Variants in MTMR10 observed in about 807,000 individuals in gnomAD.
The protein encoded by MTMR10 is myotubularin related protein 10, also known as myotubularin-related protein 10.
MTMR10 carries 56 observed loss-of-function variants against 88.1 expected under a neutral mutation model. That is an observed-to-expected ratio of 0.64 (90% CI 0.51 to 0.79). MTMR10 has a LOEUF of 0.79. MTMR10 is among the 30% of genes least tolerant of loss of function. The pLI, the probability that MTMR10 is intolerant of heterozygous loss-of-function variation, is 0.00. For synonymous variants in MTMR10, 380 were observed against 340.9 expected (o/e 1.11, Z -1.26); for missense variants, 883 against 924.7 (o/e 0.95, Z 0.58).
the MTMR10 span, chr15:30,925,776 G>C: frequency 1.5e-4 from 238 of 1,613,724 alleles, no homozygotes; most frequent in Admixed American, 7.8e-4. Flanking sequence ...ATGTTATTCT[G>C]CTGCTGTTTC....
At chr15:30,956,129 T>G (rs896213608) in intron 9 of MTMR10, 6 of 152,202 alleles carry the variant, frequency 3.9e-5, no homozygotes, top group Admixed American at 6.5e-5. Context: ...CTAGGTTTCC[T>G]CTATGCACCT....
In MTMR10 at chr15:30,941,534, A is replaced by T; in HGVS notation, c.2270T>A (p.Leu757Ter). The change falls in exon 16 of 16, where the codon TTA (leucine) becomes TAA (stop). Residue 757 changes from leucine (L) to a stop codon, truncating the protein, a stop_gained. Coordinates refer to ENST00000435680, the MANE Select transcript of MTMR10 (RefSeq NM_017762.3). LOFTEE classifies it high-confidence loss of function. ...LCRRSILGTPLSKFLSGAKIW... is the reference protein window; with the variant it reads ...LCRRSILGTP ...TTTGGCCCCACTTAAAAATTTGCTT[A>T]ATGGTGTTCCTAAAATGCTTCGTCT... 1 of 1,609,828 alleles carries T rather than the reference A, an allele frequency of 6.2e-7. No homozygotes were observed. Among genetic ancestry groups the T allele is most frequent in the Non-Finnish European group, 8.5e-7 (1 of 1,177,712 alleles).
At chr15:30,990,954 T>G in intron 1 of MTMR10, 117 bp from the exon 2 acceptor site, 1 of 822,064 alleles carries the variant, frequency 1.2e-6, no homozygotes, top group Admixed American at 2.8e-5. Context: ...GCCCCCCATT[T>G]AAATTCTTTC....
At chr15:30,927,792 G>A in the MTMR10 span, 1 of 985,824 alleles carries the variant, frequency 1.0e-6, no homozygotes, top group Non-Finnish European at 1.2e-6. Context: ...AGCTGGATGA[G>A]CTGGGGCTTG....
chr15:30,946,625 A>G, intron 14 of MTMR10: 1 of 659,480 alleles, frequency 1.5e-6, no homozygotes. Context: ...TGTTGGTTCG[A>G]GGTGGGTGAA....
chr15:30,976,960 A>C lies in MTMR10; in HGVS notation c.122-5T>G, dbSNP rs749454500. The C allele has an allele frequency of 3.1e-6, 5 of 1,610,084 alleles. No homozygotes were observed. The African/African-American group carries it at 6.7e-5, about 22-fold the overall frequency. ...CTTCATTTACGACAATTTCTCCTTT[A>C]AAAAAAGAAAAATATTTGTAAGGTA... On this transcript the variant is annotated splice_polypyrimidine_tract_variant and splice_region_variant and intron_variant, in intron 2 of 15. Coordinates refer to ENST00000435680, the MANE Select transcript of MTMR10 (RefSeq NM_017762.3).
intron 2 of MTMR10, among the ~76,000 whole-genome samples, chr15:30,987,039 T>C (rs2030983673): frequency 6.6e-6 from 1 of 152,148 alleles, no homozygotes; most frequent in South Asian, 2.1e-4. Context: ...TTTACACATA[T>C]ACAATATAAT....
chr15:30,929,819 T>TCA, the MTMR10 span, among the ~76,000 whole-genome samples: 543 of 44,370 alleles, frequency 0.012, 80 homozygotes, highest in African/African-American at 0.03. Context: ...ATATAATATA[T>TCA]TATATCATAT....
chr15:30,985,917 C>T (rs1180882881), intron 2 of MTMR10, among the ~76,000 whole-genome samples: 1 of 152,144 alleles, frequency 6.6e-6, no homozygotes, highest in Non-Finnish European at 1.5e-5. Flanking sequence ...TGCTTGCAGT[C>T]CAGGGTGGGT....
At chr15:30,986,142 C>T (rs2030924601) in intron 2 of MTMR10, among the ~76,000 whole-genome samples, 1 of 152,008 alleles carries the variant, frequency 6.6e-6, no homozygotes, top group East Asian at 1.9e-4. Context: ...TATAGTTGGA[C>T]CCCATCTCCA....
chr15:30,948,576 GCCTT>G, intron 12 of MTMR10, 105 bp from the exon 13 acceptor site: 1 of 1,181,088 alleles, frequency 8.5e-7, no homozygotes, highest in Admixed American at 2.7e-5. Flanking sequence ...CACCTAGGCT[GCCTT>G]CCAAATCTGT....
intron 2 of MTMR10, among the ~76,000 whole-genome samples, chr15:30,977,496 G>C (rs556772343): frequency 1.3e-5 from 2 of 152,268 alleles, no homozygotes; most frequent in South Asian, 4.1e-4. Flanking sequence ...AACGTAGTTT[G>C]AGTTAAAAGA....
At chr15:30,961,240 CTT>C (rs879764694) in intron 6 of MTMR10, among the ~76,000 whole-genome samples, 167 bp from the exon 7 acceptor site, 16 of 145,856 alleles carry the variant, frequency 1.1e-4, no homozygotes, top group East Asian at 2.0e-4. Flanking sequence ...AAAATAACTC[CTT>C]TTTTTTTTTT....
At position 30,958,901 on chromosome 15, in the gene MTMR10, G is replaced by T. The variant is rs181328172; in HGVS notation, c.897C>A (p.Leu299=). 6.2e-7 allele frequency: 1 copy of T among 1,613,956 alleles called. No homozygotes were observed. The highest frequency in any genetic ancestry group is 2.2e-5 in the East Asian group (1 of 44,884). The part of the protein sequence containing the change: ...SNGSALVRMA[L]IKDVLQQRKI... ...TCCTCTGCTGCAGCACGTCTTTGAT[G>T]AGGGCCATTCGCACAAGAGCACTGC... Residue 299 remains leucine, a synonymous_variant, in exon 9 of 16, where the codon CTC becomes CTA. Coordinates refer to ENST00000435680, the MANE Select transcript of MTMR10 (RefSeq NM_017762.3).
intron 14 of MTMR10, among the ~76,000 whole-genome samples, chr15:30,945,397 G>C (rs1313259606): frequency 6.6e-6 from 1 of 152,158 alleles, no homozygotes; most frequent in Non-Finnish European, 1.5e-5. Context: ...TTCCTGGTGA[G>C]AAGTCTGTCC....
the MTMR10 span, chr15:30,930,412 A>C: frequency 3.5e-5 from 37 of 1,055,390 alleles, no homozygotes; most frequent in Non-Finnish European, 4.9e-5. Flanking sequence ...AGAACAGCGC[A>C]TGGTGGGCCT....
chr15:30,955,278 T>A (rs572455254), intron 9 of MTMR10, among the ~76,000 whole-genome samples: 6 of 152,062 alleles, frequency 3.9e-5, no homozygotes, highest in Non-Finnish European at 8.8e-5. Context: ...CATTTCCTTC[T>A]TTTTCTTTTT....
intron 2 of MTMR10, among the ~76,000 whole-genome samples, chr15:30,987,789 G>A (rs576293303): frequency 1.3e-5 from 2 of 151,394 alleles, no homozygotes; most frequent in South Asian, 2.1e-4. Flanking sequence ...CATCAACCCC[G>A]TCATCTAGGG....
chr15:30,947,193 G>T lies in MTMR10; in HGVS notation c.1485C>A (p.Thr495=). ...ETYLAVLYDS[T]RISLFGTFLF... is the part of the protein sequence containing the mutation. ...GGAAGGTGCCAAACAGTGAGATCCG[G>T]GTGCTGTCATACAACACTGCCAGGT... Residue 495 remains threonine (T), a synonymous_variant, in exon 14 of 16, where the codon ACC becomes ACA. Coordinates refer to ENST00000435680, the MANE Select transcript of MTMR10 (RefSeq NM_017762.3). 6.2e-7 allele frequency: 1 copy of T among 1,613,944 alleles called. No individual in the cohort carries two copies. The highest frequency in any genetic ancestry group is 8.5e-7 in the Non-Finnish European group (1 of 1,179,872).
Sources: gnomAD v4.1 joint callset for allele counts (sites outside exome capture counted in the v4.1 genomes callset) on GRCh38, gnomAD v4.1.1 for gene constraint, MANE v1.5 for transcripts, NCBI Gene and HGNC (gene_info 2026-07-23, HGNC 2026-07-21) for gene names.